PKP3: variants seen among roughly 807,000 people sequenced by gnomAD.
PKP3 encodes the protein plakophilin 3.
PKP3 carries 66 observed loss-of-function variants against 76.5 expected under a neutral mutation model. The observed-to-expected ratio is 0.86, with a 90% CI of 0.71 to 1.06. PKP3 has a LOEUF of 1.06. Among genes scored for constraint, PKP3 ranks in the 50% least tolerant of loss-of-function variants. PKP3 has a pLI of 0.00. For synonymous variants in PKP3, 638 were observed against 516.5 expected, an observed-to-expected ratio of 1.24 and a Z score of -3.19; for missense variants, 1,338 against 1,141.0, an observed-to-expected ratio of 1.17 and a Z score of -2.49.
At chr11:397,977 C>T (rs561612692) in intron 4 of PKP3, among the ~76,000 whole-genome samples, 16 of 122,892 alleles carry the variant, frequency 1.3e-4, no homozygotes, top group Non-Finnish European at 2.0e-4. Flanking sequence ...CCGTCACCTC[C>T]GTACCCCCGC....
upstream of PKP3, chr11:394,038 G>T: frequency 2.1e-6 from 1 of 468,974 alleles, no homozygotes; most frequent in Non-Finnish European, 3.7e-6. Flanking sequence ...GGGAGGCCAG[G>T]CTGGGACCTG....
chr11:396,586 C>T, intron 1 of PKP3, 22 bp from the exon 2 acceptor site: 1 of 1,561,742 alleles, frequency 6.4e-7, no homozygotes, highest in Non-Finnish European at 8.7e-7. Flanking sequence ...CAGAGCTGGG[C>T]TACCACCGTC....
In PKP3 at chr11:397,108, G is replaced by T; in HGVS notation, c.607G>T (p.Glu203Ter). The T allele has an allele frequency of 6.3e-7, 1 of 1,597,926 alleles. No individual in the cohort carries two copies. The highest frequency in any genetic ancestry group is 8.5e-7 in the Non-Finnish European group (1 of 1,179,248). The change falls in exon 3 of 13, where the codon GAG (glutamate) becomes TAG (stop). Residue 203 changes from glutamate to a stop codon, truncating the protein, a stop_gained. Coordinates refer to ENST00000331563, the MANE Select transcript of PKP3 (RefSeq NM_007183.4). LOFTEE classifies it high-confidence loss of function. ...DRYSLVSEQL[E>*]PAATSTYRAF... The stretch of plus-strand genomic sequence containing the variant: ...CTACAGCCTGGTGTCTGAGCAGCTG[G>T]AGCCCGCGGCCACCTCCACCTACAG...
At chr11:399,923 G>A in intron 5 of PKP3, 44 bp from the exon 6 acceptor site, 2 of 1,509,348 alleles carry the variant, frequency 1.3e-6, no homozygotes, top group Non-Finnish European at 1.8e-6. Flanking sequence ...AACGCGGAGG[G>A]GGTTGGAGGG....
chr11:400,566 A>T lies in PKP3; in HGVS notation c.1598A>T (p.Asn533Ile). 1 of 1,493,106 alleles carries T rather than the reference A, an allele frequency of 6.7e-7. No individual in the cohort carries two copies. Among genetic ancestry groups the T allele is most frequent in the Non-Finnish European group, 8.9e-7 (1 of 1,129,126 alleles). 92.5% of individuals were successfully genotyped at this position (1,493,106 alleles called of 1,614,324 possible). Residue 533 changes from asparagine (N) to isoleucine (I), a missense_variant, in exon 8 of 13, where the codon AAC (asparagine) becomes ATC (isoleucine). By Grantham distance (149) the Asn-to-Ile change is moderately radical. Coordinates refer to ENST00000331563, the MANE Select transcript of PKP3 (RefSeq NM_007183.4). The part of the protein sequence containing the change: ...SVENAVCVLR[N>I]LSYRLYDEMP... Reference sequence around the variant, plus strand: ...GAGAACGCGGTGTGCGTCCTGCGGAACCTGTCCTACCGCCTCTACGACGAG... The same window carrying T: ...GAGAACGCGGTGTGCGTCCTGCGGATCCTGTCCTACCGCCTCTACGACGAG...
rs188028709 is a variant in PKP3 at position 404,543 on chromosome 11, C to G, written c.2368C>G (p.Arg790Gly). 2 of 1,612,570 alleles carry G rather than the reference C, an allele frequency of 1.2e-6. No homozygotes were observed. Among genetic ancestry groups the G allele is most frequent in the South Asian group, 1.1e-5 (1 of 91,088 alleles). The change falls in exon 13 of 13, where the codon CGG becomes GGG. Residue 790 changes from arginine (R) to glycine (G), a missense_variant. Arg to Gly is a moderately radical substitution (Grantham distance 125, BLOSUM62 -2). Coordinates refer to ENST00000331563, the MANE Select transcript of PKP3 (RefSeq NM_007183.4). This position sits in a 1 kb window ranked among gnomAD's most constrained non-coding sequence, Gnocchi z 4.2. Reference protein sequence around the residue: ...LHRDFRAKGYRKEDFLGP With the variant: ...LHRDFRAKGYGKEDFLGP ...CCTCTCTCCACTGTAGAAGGGCTAT[C>G]GGAAGGAGGACTTCCTGGGCCCATA...
At chr11:394,150 G>A, upstream of PKP3, 1 of 1,290,082 alleles carries the variant, frequency 7.8e-7, no homozygotes, top group South Asian at 1.8e-5. Context: ...CTGCGCTCAG[G>A]GCTGGGCAGG....
Position 399,045 on chromosome 11 carries a change from C to T in PKP3, c.1122C>T (p.Asn374=). The change falls in exon 5 of 13, where the codon AAC becomes AAT. Residue 374 remains asparagine (N), a synonymous_variant. Transcript: ENST00000331563. The part of the protein sequence containing the change: ...PRLVKLFNHA[N]QEVQRHATGA... ...TGGTGAAGCTCTTCAACCACGCCAACCAGGAAGTGCAGCGCCATGCCACAG... is the reference window on the plus strand; with the variant it reads ...TGGTGAAGCTCTTCAACCACGCCAATCAGGAAGTGCAGCGCCATGCCACAG... The T allele has an allele frequency of 6.2e-7, 1 of 1,607,128 alleles. No homozygotes were observed. The highest frequency in any genetic ancestry group is 8.5e-7 in the Non-Finnish European group (1 of 1,175,942).
chr11:395,116 C>T (rs1564877870), intron 1 of PKP3, among the ~76,000 whole-genome samples: 2 of 152,182 alleles, frequency 1.3e-5, no homozygotes, highest in Non-Finnish European at 2.9e-5. Context: ...CCAGACCCAC[C>T]TGTGGCGGAA....
chr11:397,385 C>T lies in PKP3; in HGVS notation c.884C>T (p.Pro295Leu), dbSNP rs755465893. ...SLSLADSGHL[P>L]DVHGFNSYGS... ...AGCCTGGCTGACTCGGGCCACCTGC[C>T]GGACGTGCATGGGTTCAACAGCTAC... Residue 295 changes from proline (P) to leucine (L), a missense_variant, in exon 3 of 13, where the codon CCG becomes CTG. Transcript: ENST00000331563. 27 of 1,610,008 alleles carry T rather than the reference C, an allele frequency of 1.7e-5. No homozygotes were observed. In the East Asian group the frequency reaches 1.8e-4, roughly 11 times the overall value.
intron 2 of PKP3, 21 bp from the exon 3 acceptor site, chr11:396,793 C>A: frequency 1.3e-6 from 2 of 1,567,950 alleles, no homozygotes; most frequent in East Asian, 2.3e-5. Context: ...CACGCCCTCA[C>A]CGCCCCCTCT....
At position 400,578 on chromosome 11, in the gene PKP3, G is replaced by C; in HGVS notation, c.1610G>C (p.Arg537Pro). 6.7e-7 allele frequency: 1 copy of C among 1,482,112 alleles called. No homozygotes were observed. Among genetic ancestry groups the C allele is most frequent in the Non-Finnish European group, 8.9e-7 (1 of 1,125,518 alleles). 91.8% of individuals were successfully genotyped at this position (1,482,112 alleles called of 1,614,324 possible). Residue 537 changes from arginine to proline, a missense_variant, in exon 8 of 13, where the codon CGC (arginine) becomes CCC (proline). Arg to Pro is a moderately radical substitution (Grantham distance 103). Transcript: ENST00000331563. ...TGCGTCCTGCGGAACCTGTCCTACC[G>C]CCTCTACGACGAGATGCCGCCGTCC... Reference protein sequence around the residue: ...AVCVLRNLSYRLYDEMPPSAL... With the variant: ...AVCVLRNLSYPLYDEMPPSAL...
Position 400,374 on chromosome 11 carries a change from C to A in PKP3, c.1489C>A (p.Arg497=), listed in dbSNP as rs796260537. The change falls in exon 7 of 13, where the codon CGG becomes AGG. Residue 497 remains arginine (R), a synonymous_variant. Coordinates refer to ENST00000331563, the MANE Select transcript of PKP3 (RefSeq NM_007183.4). ...SASQATRQKM[R]ECHGLVDALV... is the part of the protein sequence containing the mutation. ...CTCTCAGGCCACTCGCCAGAAGATG[C>A]GGGAGTGCCACGGGCTGGTGGACGC... is the stretch of plus-strand genomic sequence containing the variant. 1 of 1,549,388 alleles carries A rather than the reference C, an allele frequency of 6.5e-7. No homozygotes were observed. The highest frequency in any genetic ancestry group is 1.2e-5 in the South Asian group (1 of 84,080).
chr11:395,550 G>A (rs1354885226), intron 1 of PKP3, among the ~76,000 whole-genome samples: 1 of 152,204 alleles, frequency 6.6e-6, no homozygotes, highest in African/African-American at 2.4e-5. Flanking sequence ...TTAGAGGGAG[G>A]TGGATTATAA....
chr11:404,391 G>A lies in PKP3; in HGVS notation c.2358+68G>A. On this transcript the variant is annotated intron_variant, in intron 12 of 12. Transcript: ENST00000331563. This position sits in a 1 kb window ranked among gnomAD's most constrained non-coding sequence, Gnocchi z 4.2. ...GGCATGGGACGCCGGGGGAGGGTCA[G>A]TGAAGAGGCCCATGGGAGGATGGAG... 6.7e-7 allele frequency: 1 copy of A among 1,497,400 alleles called. No homozygotes were observed. Among genetic ancestry groups the A allele is most frequent in the Non-Finnish European group, 9.3e-7 (1 of 1,075,154 alleles). The allele number at this position is 1,497,400 out of a possible 1,614,324, so 92.8% of individuals were successfully genotyped here. A position where few individuals can be genotyped will look rare whatever the true frequency, so the allele number is the denominator to read the frequency against.
At position 404,791 on chromosome 11, in the gene PKP3, G is replaced by T. The variant is rs1847229814; in HGVS notation, c.*222G>T. On this transcript the variant is annotated 3_prime_UTR_variant, in exon 13 of 13. Coordinates refer to ENST00000331563, the MANE Select transcript of PKP3 (RefSeq NM_007183.4). This position sits in a 1 kb window ranked among gnomAD's most constrained non-coding sequence, Gnocchi z 4.2. Reference sequence around the variant, plus strand: ...GGGCAGGGGGTGGGGCAGGGCTCAAGGCTGCTCTGGTGTATGGGGTGGTGA... The same window carrying T: ...GGGCAGGGGGTGGGGCAGGGCTCAATGCTGCTCTGGTGTATGGGGTGGTGA... 1 of 584,544 alleles carries T rather than the reference G, an allele frequency of 1.7e-6. No individual in the cohort carries two copies. Among genetic ancestry groups the T allele is most frequent in the Non-Finnish European group, 3.1e-6 (1 of 326,810 alleles). The allele number at this position is 584,544 out of a possible 1,614,324, so 36.2% of individuals were successfully genotyped here.
intron 8 of PKP3, 64 bp downstream of exon 8, chr11:400,769 C>G (rs1385059810): frequency 1.1e-6 from 1 of 910,668 alleles, no homozygotes; most frequent in Non-Finnish European, 1.4e-6. Flanking sequence ...TGACCCCGGC[C>G]CCGCTCACCC....
chr11:399,039 C>T lies in PKP3; in HGVS notation c.1116C>T (p.His372=), dbSNP rs375185865. The T allele has an allele frequency of 1.0e-4, 162 of 1,606,002 alleles. 1 individual carries two copies. Among genetic ancestry groups the T allele is most frequent in the African/African-American group, 4.4e-4 (33 of 74,746 alleles). Residue 372 remains histidine (H), a synonymous_variant, in exon 5 of 13, where the codon CAC becomes CAT. Transcript: ENST00000331563. ...CTAGGCTGGTGAAGCTCTTCAACCA[C>T]GCCAACCAGGAAGTGCAGCGCCATG... is the stretch of plus-strand genomic sequence containing the variant. ...AVPRLVKLFN[H]ANQEVQRHAT...
Position 403,151 on chromosome 11 carries a change from G to T in PKP3, c.1811G>T (p.Ser604Ile), listed in dbSNP as rs762444303. The change falls in exon 9 of 13, where the codon AGC (serine) becomes ATC (isoleucine). Residue 604 changes from serine to isoleucine, a missense_variant. Physicochemically the swap from Ser to Ile is moderately radical, Grantham distance 142. Coordinates refer to ENST00000331563, the MANE Select transcript of PKP3 (RefSeq NM_007183.4). ...CCCAAGGGCCTCGAGTGGCTGTGGA[G>T]CCCCCAGATCGTGGGGCTGTACAAC... ...KDPKGLEWLW[S>I]PQIVGLYNRL... The T allele has an allele frequency of 6.3e-7, 1 of 1,581,266 alleles. No homozygotes were observed. The highest frequency in any genetic ancestry group is 1.1e-5 in the South Asian group (1 of 87,002).
Sources: gnomAD v4.1 joint callset for allele counts (sites outside exome capture counted in the v4.1 genomes callset) on GRCh38, gnomAD v4.1.1 for gene constraint, Gnocchi (gnomAD v3.1) non-coding constraint, MANE v1.5 for transcripts, NCBI Gene and HGNC (gene_info 2026-07-23, HGNC 2026-07-21) for gene names.